The following CTNNBIP1 variants were observed in gnomAD, a reference collection of about 807,000 sequenced individuals.
CTNNBIP1 encodes catenin beta interacting protein 1.
A neutral mutation model predicts 11.8 loss-of-function variants in CTNNBIP1; 7 were observed. The ratio of observed to expected loss-of-function variants is 0.60; its 90% CI spans 0.34 to 1.12. CTNNBIP1 has a LOEUF of 1.12. Ranked by LOEUF, CTNNBIP1 falls within the 50% of genes most tolerant of loss-of-function variation. CTNNBIP1 has a pLI of 0.03. For synonymous variants in CTNNBIP1, 58 were observed against 43.9 expected, an observed-to-expected ratio of 1.32 and a Z score of -1.26; for missense variants, 101 against 113.4, an observed-to-expected ratio of 0.89 and a Z score of 0.50.
intron 1 of CTNNBIP1, among the ~76,000 whole-genome samples, chr1:9,887,863 C>CA (rs1639217494): frequency 6.6e-6 from 1 of 151,992 alleles, no homozygotes; most frequent in Non-Finnish European, 1.5e-5. Context: ...CTCACACCGT[C>CA]ACCCAGGCTG....
At chr1:9,868,569 C>T (rs1480682644) in intron 5 of CTNNBIP1, among the ~76,000 whole-genome samples, 1 of 152,162 alleles carries the variant, frequency 6.6e-6, no homozygotes, top group Admixed American at 6.5e-5. Flanking sequence ...ATTAGTTTTA[C>T]AAAAATGTGT....
At chr1:9,906,015 A>T (rs1195846117) in intron 1 of CTNNBIP1, among the ~76,000 whole-genome samples, 1 of 152,196 alleles carries the variant, frequency 6.6e-6, no homozygotes, top group Non-Finnish European at 1.5e-5. Flanking sequence ...AGAAGCAGAT[A>T]AAAAAAGGCG....
At chr1:9,909,944 G>A (rs1031624088) in intron 1 of CTNNBIP1, among the ~76,000 whole-genome samples, 151 bp downstream of exon 1, 2 of 151,838 alleles carry the variant, frequency 1.3e-5, no homozygotes, top group African/African-American at 4.8e-5. Flanking sequence ...CCAGGGCGCC[G>A]CGCCGCTGGG....
chr1:9,900,849 G>A (rs1363910900), intron 1 of CTNNBIP1, among the ~76,000 whole-genome samples: 1 of 152,184 alleles, frequency 6.6e-6, no homozygotes. Flanking sequence ...GGAGGCTGTG[G>A]GCAGTGCCAA....
chr1:9,903,790 T>C (rs1256269032), intron 1 of CTNNBIP1, among the ~76,000 whole-genome samples: 1 of 152,192 alleles, frequency 6.6e-6, no homozygotes, highest in Non-Finnish European at 1.5e-5. Flanking sequence ...GCAAGTTAAC[T>C]CTGACTACCC....
intron 1 of CTNNBIP1, among the ~76,000 whole-genome samples, chr1:9,889,081 C>A (rs916233668): frequency 1.2e-4 from 18 of 152,314 alleles, no homozygotes; most frequent in Non-Finnish European, 1.9e-4. Context: ...GCAAGCTCTG[C>A]AGGCCACCAG....
intron 1 of CTNNBIP1, among the ~76,000 whole-genome samples, chr1:9,886,333 C>T (rs1639187460): frequency 6.6e-6 from 1 of 152,222 alleles, no homozygotes; most frequent in Non-Finnish European, 1.5e-5. Flanking sequence ...AGCTGAGAGG[C>T]ATTCCTGGCC....
At chr1:9,877,178 C>G (rs1445292596) in intron 3 of CTNNBIP1, among the ~76,000 whole-genome samples, 1 of 152,200 alleles carries the variant, frequency 6.6e-6, no homozygotes, top group Non-Finnish European at 1.5e-5. Context: ...CAAGAGGGAC[C>G]TGGAGAACAA....
At chr1:9,898,318 G>A (rs1414441152) in intron 1 of CTNNBIP1, among the ~76,000 whole-genome samples, 1 of 152,044 alleles carries the variant, frequency 6.6e-6, no homozygotes, top group East Asian at 1.9e-4. Context: ...GAGGTCAGGA[G>A]ATCGAGACCA....
intron 1 of CTNNBIP1, among the ~76,000 whole-genome samples, chr1:9,897,719 C>T (rs1639440204): frequency 6.6e-6 from 1 of 151,486 alleles, no homozygotes; most frequent in African/African-American, 2.4e-5. Context: ...GTGGCTGAGG[C>T]AGGAGAATCA....
chr1:9,907,714 T>A (rs1425492782), intron 1 of CTNNBIP1, among the ~76,000 whole-genome samples: 1 of 152,212 alleles, frequency 6.6e-6, no homozygotes, highest in Non-Finnish European at 1.5e-5. Flanking sequence ...AGCACGTTGT[T>A]ATGGGACATC....
rs1638862163 is a variant in CTNNBIP1 at position 9,871,583 on chromosome 1, T to G, written c.97-306A>C. Among the ~76,000 whole-genome samples the G allele has an allele frequency of 6.6e-6, 1 of 152,110 alleles. No individual in the cohort carries two copies. Among genetic ancestry groups the G allele is most frequent in the Admixed American group, 6.5e-5 (1 of 15,272 alleles). On this transcript the variant is annotated intron_variant, in intron 4 of 5. Coordinates refer to ENST00000377263, the MANE Select transcript of CTNNBIP1 (RefSeq NM_020248.3). The surrounding 1 kb of genome is among the most constrained non-coding windows in gnomAD (Gnocchi z 5.2). ...AGGCTGAGGGGCGATTCCATGTCCC[T>G]CCACTCTTTTTGAGAAATACCCCTG... is the stretch of plus-strand genomic sequence containing the variant.
intron 1 of CTNNBIP1, among the ~76,000 whole-genome samples, chr1:9,890,867 T>C (rs1007206854): frequency 1.3e-5 from 2 of 152,116 alleles, no homozygotes; most frequent in Admixed American, 6.6e-5. Context: ...AAAAGGCAAA[T>C]TAATTTGCAT....
chr1:9,850,162 T>C lies in CTNNBIP1; in HGVS notation c.*556A>G, dbSNP rs1305684288. On this transcript the variant is annotated 3_prime_UTR_variant, in exon 6 of 6. Transcript: ENST00000377263. ...TAAATATTGCAAAGCGCACTTGGTT[T>C]CTTTCTTTTCAAGTCAAATATAACG... 1 of 152,730 alleles carries C rather than the reference T, an allele frequency of 6.5e-6. No individual in the cohort carries two copies. The highest frequency in any genetic ancestry group is 6.5e-5 in the Admixed American group (1 of 15,292). The allele number at this position is 152,730 out of a possible 1,614,324, so 9.5% of individuals were successfully genotyped here. A position where few individuals can be genotyped will look rare whatever the true frequency, so the allele number is the denominator to read the frequency against.
intron 5 of CTNNBIP1, among the ~76,000 whole-genome samples, chr1:9,855,756 C>G (rs1190751682): frequency 7.3e-6 from 1 of 137,738 alleles, no homozygotes; most frequent in Non-Finnish European, 1.5e-5. Flanking sequence ...TGGACAGGGT[C>G]TTGCTCTGTC....
chr1:9,853,409 T>A (rs1638431870), intron 5 of CTNNBIP1, among the ~76,000 whole-genome samples: 1 of 152,196 alleles, frequency 6.6e-6, no homozygotes, highest in Non-Finnish European at 1.5e-5. Context: ...CTCTATGAAA[T>A]TTGGGCCAGT....
chr1:9,892,739 T>C (rs1483068693), intron 1 of CTNNBIP1, among the ~76,000 whole-genome samples: 1 of 152,230 alleles, frequency 6.6e-6, no homozygotes, highest in Non-Finnish European at 1.5e-5. Context: ...CCAGGGTTCC[T>C]GGCTCCACGC....
At chr1:9,896,566 G>A (rs920215919) in intron 1 of CTNNBIP1, among the ~76,000 whole-genome samples, 3 of 152,062 alleles carry the variant, frequency 2.0e-5, no homozygotes, top group Non-Finnish European at 2.9e-5. Flanking sequence ...CGGCCATGGC[G>A]GCTCACGCTT....
chr1:9,863,822 C>T (rs926274857), intron 5 of CTNNBIP1, among the ~76,000 whole-genome samples: 1 of 152,192 alleles, frequency 6.6e-6, no homozygotes, highest in Non-Finnish European at 1.5e-5. Flanking sequence ...CCACACTGAG[C>T]TGTAACATGG....
Sources: allele counts gnomAD v4.1 joint callset (sites outside exome capture counted in the v4.1 genomes callset), GRCh38; gene constraint gnomAD v4.1.1; non-coding constraint Gnocchi (gnomAD v3.1); transcripts MANE v1.5; gene names NCBI Gene and HGNC (gene_info 2026-07-23, HGNC 2026-07-21).